PDZD2: variants seen among roughly 807,000 people sequenced by gnomAD.
PDZD2 encodes the protein PDZ domain containing 2, also known as PDZ domain-containing protein 2.
A neutral mutation model predicts 220.7 loss-of-function variants in PDZD2; 90 were observed. That is an observed-to-expected ratio of 0.41 (90% CI 0.34 to 0.49). The LOEUF (loss-of-function observed/expected upper bound fraction) is 0.49, where lower values mean the gene tolerates loss of function less well. Among genes scored for constraint, PDZD2 ranks in the 20% least tolerant of loss-of-function variants. The pLI, the probability that PDZD2 is intolerant of heterozygous loss-of-function variation, is 0.28. For missense variants in PDZD2, 3,174 were observed against 3,608.5 expected, an observed-to-expected ratio of 0.88 and a Z score of 3.08; for synonymous variants, 1,375 against 1,450.5, an observed-to-expected ratio of 0.95 and a Z score of 1.18.
chr5:31,670,502 C>T (rs566527906), intron 1 of PDZD2, among the ~76,000 whole-genome samples: 8 of 152,106 alleles, frequency 5.3e-5, no homozygotes, highest in Non-Finnish European at 1.0e-4. Context: ...CTGCAACCTC[C>T]GCCTCCCGGG....
chr5:31,739,341 T>C (rs1458487447), intron 1 of PDZD2, among the ~76,000 whole-genome samples: 1 of 152,188 alleles, frequency 6.6e-6, no homozygotes, highest in Non-Finnish European at 1.5e-5. Context: ...GACAATTTTT[T>C]ATTCATCAGA....
intron 1 of PDZD2, among the ~76,000 whole-genome samples, chr5:31,752,029 C>T (rs1267722225): frequency 9.0e-6 from 1 of 111,616 alleles, no homozygotes; most frequent in African/African-American, 3.1e-5. Context: ...ATTTCTCTCT[C>T]TCTCTTTGTA....
At chr5:31,959,883 A>C (rs981273721) in intron 2 of PDZD2, among the ~76,000 whole-genome samples, 2 of 151,848 alleles carry the variant, frequency 1.3e-5, no homozygotes, top group Non-Finnish European at 2.9e-5. Flanking sequence ...CCTCTCTCTC[A>C]GTTTCTAGTG....
chr5:31,817,055 G>C (rs1755506972), intron 2 of PDZD2, among the ~76,000 whole-genome samples: 1 of 152,088 alleles, frequency 6.6e-6, no homozygotes, highest in South Asian at 2.1e-4. Flanking sequence ...GCATGGTGAC[G>C]GGTGCCTGTA....
intron 2 of PDZD2, among the ~76,000 whole-genome samples, chr5:31,868,779 TG>T (rs1461629726): frequency 6.6e-6 from 1 of 152,118 alleles, no homozygotes; most frequent in African/African-American, 2.4e-5. Flanking sequence ...TGAGTTTTTT[TG>T]TTTGTTTTTG....
chr5:31,852,863 T>C (rs1420403978), intron 2 of PDZD2, among the ~76,000 whole-genome samples: 9 of 152,090 alleles, frequency 5.9e-5, no homozygotes, highest in African/African-American at 1.7e-4. Flanking sequence ...TCCCAAAGTG[T>C]TGGGATTACA....
chr5:31,913,745 T>C (rs1743410939), intron 2 of PDZD2, among the ~76,000 whole-genome samples: 1 of 152,208 alleles, frequency 6.6e-6, no homozygotes, highest in Non-Finnish European at 1.5e-5. Flanking sequence ...ACACCATTGT[T>C]CACTATGGCC....
intron 1 of PDZD2, among the ~76,000 whole-genome samples, chr5:31,667,102 G>A (rs1007576227): frequency 2.0e-5 from 3 of 152,010 alleles, no homozygotes; most frequent in Non-Finnish European, 2.9e-5. Context: ...TGGGCGTGGT[G>A]GTGGGCGCCT....
chr5:32,027,347 A>G (rs1483795268), intron 6 of PDZD2, among the ~76,000 whole-genome samples: 1 of 152,250 alleles, frequency 6.6e-6, no homozygotes, highest in South Asian at 2.1e-4. Context: ...GATTACCTCA[A>G]CTTTCTAAGG....
chr5:32,078,734 G>T (rs543229264), intron 19 of PDZD2, among the ~76,000 whole-genome samples: 1 of 151,178 alleles, frequency 6.6e-6, no homozygotes, highest in East Asian at 1.9e-4. Context: ...GAACCTAGGA[G>T]TTTGAGACTG....
intron 1 of PDZD2, among the ~76,000 whole-genome samples, chr5:31,658,192 G>C (rs1015385508): frequency 1.3e-5 from 2 of 152,060 alleles, no homozygotes; most frequent in Admixed American, 1.3e-4. Context: ...CAGGGCCCCA[G>C]TCACCCCAGG....
chr5:32,049,334 T>C (rs1250937023), intron 8 of PDZD2, among the ~76,000 whole-genome samples: 1 of 152,158 alleles, frequency 6.6e-6, no homozygotes, highest in African/African-American at 2.4e-5. Flanking sequence ...CTGAGAAACC[T>C]GTGGGGTATT....
At chr5:31,798,748 G>A (rs1262902097) in intron 1 of PDZD2, 141 bp from the exon 2 acceptor site, 3 of 156,906 alleles carry the variant, frequency 1.9e-5, no homozygotes, top group Admixed American at 6.1e-5. Context: ...CGGGGGAATG[G>A]GGAAGCGTTA....
chr5:32,078,243 A>C (rs1741515109), intron 19 of PDZD2, among the ~76,000 whole-genome samples: 1 of 152,220 alleles, frequency 6.6e-6, no homozygotes, highest in African/African-American at 2.4e-5. Context: ...TGGCAACAAA[A>C]ACCTCCACAA....
At chr5:31,919,730 A>ACC (rs3037134) in intron 2 of PDZD2, among the ~76,000 whole-genome samples, 2 of 140,144 alleles carry the variant, frequency 1.4e-5, no homozygotes, top group Non-Finnish European at 3.0e-5. Flanking sequence ...AAAAAAAAAA[A>ACC]GGCCAGGCAC....
At chr5:31,839,712 C>T (rs1176381174) in intron 2 of PDZD2, among the ~76,000 whole-genome samples, 3 of 152,150 alleles carry the variant, frequency 2.0e-5, no homozygotes, top group Admixed American at 6.6e-5. Flanking sequence ...ACCCAAATCT[C>T]ATCTTGAATT....
At chr5:31,802,946 C>A (rs1028821625) in intron 2 of PDZD2, among the ~76,000 whole-genome samples, 1 of 145,236 alleles carries the variant, frequency 6.9e-6, no homozygotes, top group East Asian at 2.0e-4. Flanking sequence ...AAAAAAGACG[C>A]GCACACATGG....
chr5:31,696,548 A>G (rs1458107121), intron 1 of PDZD2, among the ~76,000 whole-genome samples: 1 of 152,078 alleles, frequency 6.6e-6, no homozygotes, highest in Non-Finnish European at 1.5e-5. Flanking sequence ...AGTGATCTAC[A>G]AGTCTTGGCC....
At chr5:31,851,369 C>T (rs62360848) in intron 2 of PDZD2, among the ~76,000 whole-genome samples, 12,423 of 152,250 alleles carry the variant, frequency 0.082, 621 homozygotes, top group Middle Eastern at 0.15. Flanking sequence ...CTTATCAGTG[C>T]AATATGCAGA....
Sources: allele counts gnomAD v4.1 joint callset (sites outside exome capture counted in the v4.1 genomes callset), GRCh38; gene constraint gnomAD v4.1.1; transcripts MANE v1.5; gene names NCBI Gene and HGNC (gene_info 2026-07-23, HGNC 2026-07-21).